Variants in MIF4GD observed in about 807,000 individuals in gnomAD.
MIF4GD encodes MIF4G domain containing, also known as MIF4G domain-containing protein.
MIF4GD carries 22 observed loss-of-function variants against 26.7 expected under a neutral mutation model. The ratio of observed to expected loss-of-function variants is 0.82; its 90% CI spans 0.59 to 1.18. The LOEUF (loss-of-function observed/expected upper bound fraction) is 1.18, where lower values mean the gene tolerates loss of function less well. MIF4GD is among the 50% of genes most tolerant of loss of function. MIF4GD has a pLI of 0.00. For missense variants in MIF4GD, 262 were observed against 279.6 expected (o/e 0.94, Z 0.45); for synonymous variants, 137 against 111.6 (o/e 1.23, Z -1.43).
At chr17:75,269,502 T>C (rs994611677) in intron 2 of MIF4GD, 1 of 1,590,210 alleles carries the variant, frequency 6.3e-7, no homozygotes, top group Non-Finnish European at 8.5e-7. Context: ...AATTCAAATG[T>C]AAGCGCTTCA....
At chr17:75,268,509 CA>C (rs1350878574) in intron 2 of MIF4GD, among the ~76,000 whole-genome samples, 4 of 150,830 alleles carry the variant, frequency 2.7e-5, no homozygotes, top group African/African-American at 9.8e-5. Context: ...ACCAAAAATA[CA>C]AAAATTAGCC....
At chr17:75,269,468 G>C (rs1305760183) in intron 2 of MIF4GD, 2 of 1,612,902 alleles carry the variant, frequency 1.2e-6, no homozygotes, top group Non-Finnish European at 1.7e-6. Flanking sequence ...CAAGAGACGG[G>C]GCTATGGCAG....
rs1347002198 is a variant in MIF4GD at position 75,270,113 on chromosome 17, C to G, written c.82+1G>C. The G allele has an allele frequency of 6.2e-7, 1 of 1,613,962 alleles. No homozygotes were observed. The highest frequency in any genetic ancestry group is 8.5e-7 in the Non-Finnish European group (1 of 1,179,900). On this transcript the variant is annotated splice_donor_variant, in intron 2 of 5. Transcript: ENST00000325102. LOFTEE classifies it high-confidence loss of function. The surrounding 1 kb of genome is among the most constrained non-coding windows in gnomAD (Gnocchi z 5.7). ...CAGCTCAGGAGGGGTCCCGTGCTCACCTTTGAGTGCTGTCTTCAGCAGCTG... is the reference window on the plus strand; with the variant it reads ...CAGCTCAGGAGGGGTCCCGTGCTCAGCTTTGAGTGCTGTCTTCAGCAGCTG...
Position 75,266,659 on chromosome 17 carries a change from G to A in MIF4GD, c.*81C>T. The A allele has an allele frequency of 1.5e-6, 2 of 1,308,644 alleles. No homozygotes were observed. Among genetic ancestry groups the A allele is most frequent in the South Asian group, 1.2e-5 (1 of 83,680 alleles). 81.1% of individuals were successfully genotyped at this position (1,308,644 alleles called of 1,614,324 possible). On this transcript the variant is annotated 3_prime_UTR_variant, in exon 6 of 6. Transcript: ENST00000325102. ...AAGTCTGGAAGGGAAAAGTCTTTGG[G>A]TGAGGCAGAGACTCCACTGCCAGCT... is the stretch of plus-strand genomic sequence containing the variant.
intron 2 of MIF4GD, 77 bp from the exon 3 acceptor site, chr17:75,268,269 G>C (rs1002894066): frequency 1.8e-6 from 2 of 1,107,566 alleles, no homozygotes; most frequent in East Asian, 2.4e-5. Context: ...AAGAATTTGA[G>C]ATATTTACAG....
Position 75,270,844 on chromosome 17 carries a change from GGGACAGGCTGGTC to G in MIF4GD, c.-51+287_-51+299del. Reference sequence around the variant, plus strand: ...CCCAGACCCGTGCCAGCTTCTCCCTGGGACAGGCTGGTCGGATCGGCTCCCGAGTGGCAGTAAC... The same window carrying G: ...CCCAGACCCGTGCCAGCTTCTCCCTGGGATCGGCTCCCGAGTGGCAGTAAC... On this transcript the variant is annotated intron_variant, in intron 1 of 5. Transcript: ENST00000325102. The surrounding 1 kb of genome is among the most constrained non-coding windows in gnomAD (Gnocchi z 5.7). 6.5e-6 allele frequency: 1 copy of G among 152,688 alleles called. No homozygotes were observed. The highest frequency in any genetic ancestry group is 2.4e-5 in the African/African-American group (1 of 41,456). The allele number at this position is 152,688 out of a possible 1,614,324, so 9.5% of individuals were successfully genotyped here.
chr17:75,269,429 T>C (rs779970856), intron 2 of MIF4GD: 3 of 1,614,010 alleles, frequency 1.9e-6, no homozygotes, highest in Admixed American at 1.7e-5. Context: ...ATTCTCCATC[T>C]TCTGTCTCAA....
chr17:75,268,097 A>C lies in MIF4GD; in HGVS notation c.178T>G (p.Tyr60Asp). 6.2e-7 allele frequency: 1 copy of C among 1,614,170 alleles called. No individual in the cohort carries two copies. Among genetic ancestry groups the C allele is most frequent in the South Asian group, 1.1e-5 (1 of 91,082 alleles). ...CAACCCCCAACCTGAATGATGGCGT[A>C]GCACATGCGTCCTGCTTCCTTGCTG... ...VFSKEAGRMC[Y>D]AIIQAESKQA... is the part of the protein sequence containing the mutation. Residue 60 changes from tyrosine (Y) to aspartate (D), a missense_variant, in exon 3 of 6, where the codon TAC (tyrosine) becomes GAC (aspartate). Coordinates refer to ENST00000325102, the MANE Select transcript of MIF4GD (RefSeq NM_001370592.1).
In MIF4GD at chr17:75,266,729, G is replaced by A. The variant is rs768357177; in HGVS notation, c.*11C>T. 2 of 1,613,512 alleles carry A rather than the reference G, an allele frequency of 1.2e-6. No individual in the cohort carries two copies. The highest frequency in any genetic ancestry group is 3.3e-5 in the Admixed American group (2 of 60,028). On this transcript the variant is annotated 3_prime_UTR_variant, in exon 6 of 6. Transcript: ENST00000325102. ...AGGCCAGTGCTGGTGAGGAAGCCCT[G>A]ATCTGGAGGCCTAGTCGGAGACTTC...
At position 75,268,992 on chromosome 17, in the gene MIF4GD, G is replaced by T. The variant is rs190807579; in HGVS notation, c.83-800C>A. Among the ~76,000 whole-genome samples the T allele has an allele frequency of 1.1e-4, 17 of 150,854 alleles. No homozygotes were observed. The East Asian group carries it at 2.9e-3, about 26-fold the overall frequency. On this transcript the variant is annotated intron_variant, in intron 2 of 5. Transcript: ENST00000325102. ...GCACTCCAGCTTGGGCAAGAAGAGC[G>T]AAACTGTCTCAAAAAAAAAAAAGGG... is the stretch of plus-strand genomic sequence containing the variant.
chr17:75,266,735 G>A lies in MIF4GD; in HGVS notation c.*5C>T. The A allele has an allele frequency of 6.2e-7, 1 of 1,614,068 alleles. No homozygotes were observed. Among genetic ancestry groups the A allele is most frequent in the South Asian group, 1.1e-5 (1 of 91,080 alleles). On this transcript the variant is annotated 3_prime_UTR_variant, in exon 6 of 6. Coordinates refer to ENST00000325102, the MANE Select transcript of MIF4GD (RefSeq NM_001370592.1). Reference sequence around the variant, plus strand: ...GTGCTGGTGAGGAAGCCCTGATCTGGAGGCCTAGTCGGAGACTTCGCTGTA... The same window carrying A: ...GTGCTGGTGAGGAAGCCCTGATCTGAAGGCCTAGTCGGAGACTTCGCTGTA...
Position 75,266,953 on chromosome 17 carries a change from C to T in MIF4GD, c.456G>A (p.Val152=). ...GCTCCCCAACCCGGTGCAGCTGCAG[C>T]ACCAAACAGTCCACCTGCAGGCGAC... ...LSKEEEVDCL[V]LQLHRVGEQL... is the part of the protein sequence containing the mutation. Residue 152 remains valine, a synonymous_variant, in exon 6 of 6, where the codon GTG becomes GTA. Coordinates refer to ENST00000325102, the MANE Select transcript of MIF4GD (RefSeq NM_001370592.1). The T allele has an allele frequency of 1.2e-6, 2 of 1,613,814 alleles. No individual in the cohort carries two copies. The highest frequency in any genetic ancestry group is 1.7e-6 in the Non-Finnish European group (2 of 1,179,918).
rs2077566323 is a variant in MIF4GD at position 75,268,027 on chromosome 17, C to T, written c.192+56G>A. 8 of 1,605,140 alleles carry T rather than the reference C, an allele frequency of 5.0e-6. No individual in the cohort carries two copies. In the South Asian group the frequency reaches 8.8e-5, roughly 18 times the overall value. ...TCTGTCCTGCAGGCCAGGCCTTCTG[C>T]CCACTCCTGAAGCACCTTCCTCAAA... On this transcript the variant is annotated intron_variant, in intron 3 of 5. Coordinates refer to ENST00000325102, the MANE Select transcript of MIF4GD (RefSeq NM_001370592.1).
chr17:75,269,921 G>A (rs924485890), intron 2 of MIF4GD, among the ~76,000 whole-genome samples, 193 bp downstream of exon 2: 13 of 151,892 alleles, frequency 8.6e-5, no homozygotes, highest in African/African-American at 2.9e-4. Flanking sequence ...TCTGAGAGGT[G>A]ACTGTGATTC....
intron 5 of MIF4GD, among the ~76,000 whole-genome samples, 160 bp from the exon 6 acceptor site, chr17:75,267,127 T>C (rs1329754649): frequency 1.3e-5 from 2 of 152,166 alleles, no homozygotes. Context: ...CAGAAAGAAA[T>C]GAGTTCCGGG....
Position 75,267,451 on chromosome 17 carries a change from C to A in MIF4GD, c.441+87G>T. 2.2e-6 allele frequency: 3 copies of A among 1,338,054 alleles called. No individual in the cohort carries two copies. The East Asian group carries it at 6.9e-5, about 31-fold the overall frequency. 82.9% of individuals were successfully genotyped at this position (1,338,054 alleles called of 1,614,324 possible). ...CAGAAGTGACACAGTCCTCAGAGAC[C>A]TCCGTGAGCAGTGGGCTGACACACG... is the stretch of plus-strand genomic sequence containing the variant. On this transcript the variant is annotated intron_variant, in intron 5 of 5. Coordinates refer to ENST00000325102, the MANE Select transcript of MIF4GD (RefSeq NM_001370592.1).
Position 75,267,789 on chromosome 17 carries a change from A to C in MIF4GD, c.305T>G (p.Val102Gly). The C allele has an allele frequency of 6.2e-7, 1 of 1,613,960 alleles. No homozygotes were observed. The highest frequency in any genetic ancestry group is 8.5e-7 in the Non-Finnish European group (1 of 1,179,966). The change falls in exon 4 of 6, where the codon GTC (valine) becomes GGC (glycine). Residue 102 changes from valine to glycine, a missense_variant. Transcript: ENST00000325102. ...GTTGCAGATAAAGGTGACATAGCAG[A>C]CCCAGCCCTGCAGGGAGCGTGCTCG... ...QLRARSLQGW[V>G]CYVTFICNIF... is the part of the protein sequence containing the mutation.
Position 75,267,524 on chromosome 17 carries a change from C to T in MIF4GD, c.441+14G>A. On this transcript the variant is annotated intron_variant, in intron 5 of 5. Coordinates refer to ENST00000325102, the MANE Select transcript of MIF4GD (RefSeq NM_001370592.1). ...GCAGCCTTCTGTGCTTGTGCCAGGGCTGGGGCCACCCACCTCCTCCTCCTT... is the reference window on the plus strand; with the variant it reads ...GCAGCCTTCTGTGCTTGTGCCAGGGTTGGGGCCACCCACCTCCTCCTCCTT... 6.2e-7 allele frequency: 1 copy of T among 1,613,730 alleles called. No individual in the cohort carries two copies.
chr17:75,267,945 C>T, intron 3 of MIF4GD, 44 bp from the exon 4 acceptor site: 1 of 1,601,084 alleles, frequency 6.2e-7, no homozygotes, highest in Non-Finnish European at 8.5e-7. Context: ...GGGCGGTGCC[C>T]CTGTAACCCC....
Sources: allele counts gnomAD v4.1 joint callset (sites outside exome capture counted in the v4.1 genomes callset), GRCh38; gene constraint gnomAD v4.1.1; non-coding constraint Gnocchi (gnomAD v3.1); transcripts MANE v1.5; gene names NCBI Gene and HGNC (gene_info 2026-07-23, HGNC 2026-07-21).